AKT3: variants seen among roughly 807,000 people sequenced by gnomAD.
AKT3 encodes the protein RAC-gamma serine/threonine-protein kinase.
AKT3 carries 15 observed loss-of-function variants against 65.3 expected under a neutral mutation model. The ratio of observed to expected loss-of-function variants is 0.23; its 90% CI spans 0.15 to 0.35. AKT3 has a LOEUF of 0.35. AKT3 is among the 10% of genes least tolerant of loss of function. The pLI, the probability that AKT3 is intolerant of heterozygous loss-of-function variation, is 1.00. For synonymous variants in AKT3, 206 were observed against 183.8 expected (o/e 1.12, Z -0.98); for missense variants, 243 against 576.5 (o/e 0.42, Z 5.92).
intron 10 of AKT3, among the ~76,000 whole-genome samples, chr1:243,559,615 G>T (rs1036103365): frequency 6.6e-6 from 1 of 152,104 alleles, no homozygotes; most frequent in African/African-American, 2.4e-5. Flanking sequence ...AACACTCTTT[G>T]TGAAGTATCT....
chr1:243,698,954 G>C (rs1228585140), intron 2 of AKT3, among the ~76,000 whole-genome samples: 1 of 151,192 alleles, frequency 6.6e-6, no homozygotes, highest in African/African-American at 2.4e-5. Flanking sequence ...CTTAATTCCA[G>C]TATTATACCA....
rs1574488019 is a variant in AKT3 at position 243,500,402 on chromosome 1, G to A, written c.*4847C>T. 4.4e-6 allele frequency: 1 copy of A among 225,388 alleles called. No individual in the cohort carries two copies. The highest frequency in any genetic ancestry group is 8.8e-6 in the Non-Finnish European group (1 of 113,372). 14.0% of individuals were successfully genotyped at this position (225,388 alleles called of 1,614,324 possible). A position where few individuals can be genotyped will look rare whatever the true frequency, so the allele number is the denominator to read the frequency against. On this transcript the variant is annotated 3_prime_UTR_variant, in exon 14 of 14. Transcript: ENST00000673466. ...AAAAAAGCATCTTTGGCTCGGTGGT[G>A]TCAGATTTTTTTCTTCAATACGCAG...
At chr1:243,848,195 T>C (rs1215040410) in intron 1 of AKT3, among the ~76,000 whole-genome samples, 2 of 152,128 alleles carry the variant, frequency 1.3e-5, no homozygotes, top group Non-Finnish European at 2.9e-5. Context: ...TCAACCCTAG[T>C]AAGGAAAACA....
chr1:243,836,468 AG>A (rs1354845948), intron 2 of AKT3, among the ~76,000 whole-genome samples: 2 of 151,686 alleles, frequency 1.3e-5, no homozygotes, highest in East Asian at 3.9e-4. Context: ...ACAGAACTAG[AG>A]GAAAAAAAAA....
intron 3 of AKT3, among the ~76,000 whole-genome samples, chr1:243,680,870 A>G (rs1276617596): frequency 6.6e-6 from 1 of 152,158 alleles, no homozygotes; most frequent in Non-Finnish European, 1.5e-5. Flanking sequence ...GAATTATCCA[A>G]AAGTTCTCAA....
chr1:243,793,941 ACTTATGGTTACATAG>A (rs1691787865), intron 2 of AKT3, among the ~76,000 whole-genome samples: 1 of 152,234 alleles, frequency 6.6e-6, no homozygotes, highest in South Asian at 2.1e-4. Context: ...TTAGAAATTT[ACTTATGGTTACATAG>A]CAGAAAAATG....
intron 2 of AKT3, among the ~76,000 whole-genome samples, chr1:243,704,629 T>C (rs1685677992): frequency 6.6e-6 from 1 of 152,114 alleles, no homozygotes; most frequent in African/African-American, 2.4e-5. Context: ...CTGGGAAGAA[T>C]ATCAGCGTAG....
chr1:243,709,293 A>G (rs1163037732), intron 2 of AKT3, among the ~76,000 whole-genome samples: 1 of 151,532 alleles, frequency 6.6e-6, no homozygotes, highest in African/African-American at 2.4e-5. Context: ...ATTAAAAGAA[A>G]AAAAAAAAGA....
intron 9 of AKT3, among the ~76,000 whole-genome samples, chr1:243,570,397 C>A (rs1674473178): frequency 1.3e-5 from 2 of 152,166 alleles, no homozygotes; most frequent in Non-Finnish European, 2.9e-5. Flanking sequence ...CATTCTCTTA[C>A]CTTCTGCAGT....
chr1:243,579,439 G>C (rs1019197858), intron 8 of AKT3, among the ~76,000 whole-genome samples: 2 of 152,132 alleles, frequency 1.3e-5, no homozygotes, highest in African/African-American at 4.8e-5. Flanking sequence ...TATAAAAAAA[G>C]GAAGCAAGAC....
In AKT3 at chr1:243,682,479, T is replaced by A. The variant is rs752620961; in HGVS notation, c.172+13112A>T. Among the ~76,000 whole-genome samples, 201 of 152,264 alleles carry A rather than the reference T, an allele frequency of 1.3e-3. 2 individuals are homozygous for A. Among genetic ancestry groups the A allele is most frequent in the Non-Finnish European group, 2.0e-3 (136 of 68,012 alleles). On this transcript the variant is annotated intron_variant, in intron 3 of 13. Transcript: ENST00000673466. ...TACCAGGAGAAAAGATGAACAGCAA[T>A]GTTACTACAGAAACTACAAATAAAA...
intron 2 of AKT3, among the ~76,000 whole-genome samples, chr1:243,750,351 C>T (rs1234593605): frequency 4.0e-5 from 6 of 151,682 alleles, no homozygotes; most frequent in Non-Finnish European, 8.8e-5. Context: ...TGTTAACTTG[C>T]AACTACTGTA....
At position 243,636,649 on chromosome 1, in the gene AKT3, T is replaced by TC. The variant is rs548946814; in HGVS notation, c.561+961dup. Among the ~76,000 whole-genome samples the TC allele has an allele frequency of 1.0e-3, 158 of 152,212 alleles. 1 individual carries two copies. Among genetic ancestry groups the TC allele is most frequent in the African/African-American group, 3.7e-3 (152 of 41,556 alleles). On this transcript the variant is annotated intron_variant, in intron 6 of 13. Transcript: ENST00000673466. ...ACCTGGTAACTGTCAGAAGTACCCC[T>TC]CCTCCTCAGTTACTGTGATAAGCAA... is the stretch of plus-strand genomic sequence containing the variant.
chr1:243,527,900 C>CAAG (rs1558590050), intron 12 of AKT3, among the ~76,000 whole-genome samples: 21 of 102,326 alleles, frequency 2.1e-4, no homozygotes, highest in Middle Eastern at 9.2e-3. Context: ...CACACACACA[C>CAAG]ACACACACAC....
intron 2 of AKT3, among the ~76,000 whole-genome samples, chr1:243,713,994 C>T (rs1047940397): frequency 2.0e-5 from 3 of 151,932 alleles, no homozygotes; most frequent in Admixed American, 6.6e-5. Flanking sequence ...TGCTGTTTTG[C>T]GTCAAGAGTT....
At chr1:243,519,551 C>T (rs1238346108) in intron 12 of AKT3, among the ~76,000 whole-genome samples, 2 of 152,076 alleles carry the variant, frequency 1.3e-5, no homozygotes, top group African/African-American at 2.4e-5. Flanking sequence ...TTCTGGAGGG[C>T]AGGAGAATGA....
chr1:243,575,634 C>T (rs542424211), intron 8 of AKT3, among the ~76,000 whole-genome samples: 8 of 152,166 alleles, frequency 5.3e-5, no homozygotes, highest in Non-Finnish European at 7.4e-5. Flanking sequence ...ATTAAAAGTA[C>T]TTTGAAGGCA....
intron 2 of AKT3, among the ~76,000 whole-genome samples, chr1:243,773,118 A>C (rs1004031747): frequency 2.0e-5 from 3 of 151,364 alleles, no homozygotes; most frequent in African/African-American, 7.3e-5. Flanking sequence ...GCACACCAAC[A>C]TGGCACATGT....
At chr1:243,798,438 C>T (rs1430684147) in intron 2 of AKT3, among the ~76,000 whole-genome samples, 3 of 113,734 alleles carry the variant, frequency 2.6e-5, no homozygotes, top group South Asian at 3.0e-4. Context: ...GATGTGGTCT[C>T]GCTATGTTAC....
Sources: gnomAD v4.1 joint callset for allele counts (sites outside exome capture counted in the v4.1 genomes callset) on GRCh38, gnomAD v4.1.1 for gene constraint, MANE v1.5 for transcripts, NCBI Gene and HGNC (gene_info 2026-07-23, HGNC 2026-07-21) for gene names.